ACR: variants seen among roughly 807,000 people sequenced by gnomAD.
ACR encodes the protein acrosin light and heavy chain prepropeptide.
ACR carries 17 observed loss-of-function variants against 26.0 expected under a neutral mutation model. The observed-to-expected ratio is 0.65, with a 90% confidence interval of 0.45 to 0.98. The LOEUF is 0.98. ACR is among the 50% of genes least tolerant of loss of function. The pLI is 0.00. For synonymous variants in ACR, 199 were observed against 207.7 expected, an observed-to-expected ratio of 0.96 and a Z score of 0.36; for missense variants, 435 against 519.3, an observed-to-expected ratio of 0.84 and a Z score of 1.58.
intron 3 of ACR, among the ~76,000 whole-genome samples, chr22:50,742,162 A>G (rs965718859): frequency 6.6e-6 from 1 of 151,890 alleles, no homozygotes; most frequent in Non-Finnish European, 1.5e-5. Flanking sequence ...AGGTGTTGGG[A>G]TTTAGAAAAC....
At chr22:50,742,617 C>T (rs1448382602) in intron 3 of ACR, among the ~76,000 whole-genome samples, 1 of 152,072 alleles carries the variant, frequency 6.6e-6, no homozygotes, top group African/African-American at 2.4e-5. Context: ...TCAATGTCAC[C>T]CCTACCCCAA....
rs938190884 is a variant in ACR at position 50,739,201 on chromosome 22, C to T, written c.78-70C>T. The T allele has an allele frequency of 2.9e-6, 4 of 1,403,170 alleles. No individual in the cohort carries two copies. The highest frequency in any genetic ancestry group is 1.3e-5 in the South Asian group (1 of 79,346). 86.9% of individuals were successfully genotyped at this position (1,403,170 alleles called of 1,614,324 possible). A position where few individuals can be genotyped will look rare whatever the true frequency, so the allele number is the denominator to read the frequency against. ...TCCCAACCCCATGTCCCTGCCTCCC[C>T]TCAGTTGTGGAGTTACAAGGACAGG... On this transcript the variant is annotated intron_variant, in intron 1 of 4. Coordinates refer to ENST00000216139, the MANE Select transcript of ACR (RefSeq NM_001097.3). This position sits in a 1 kb window ranked among gnomAD's most constrained non-coding sequence, Gnocchi z 5.5.
chr22:50,739,228 T>A lies in ACR; in HGVS notation c.78-43T>A. On this transcript the variant is annotated intron_variant, in intron 1 of 4. Transcript: ENST00000216139. This position sits in a 1 kb window ranked among gnomAD's most constrained non-coding sequence, Gnocchi z 5.5. ...CAGTTGTGGAGTTACAAGGACAGGC[T>A]GTGCTCATGCCAGGTTTGAACTGTG... 3 of 1,513,300 alleles carry A rather than the reference T, an allele frequency of 2.0e-6. No individual in the cohort carries two copies. The highest frequency in any genetic ancestry group is 2.7e-6 in the Non-Finnish European group (3 of 1,114,428). 93.7% of individuals were successfully genotyped at this position (1,513,300 alleles called of 1,614,324 possible). A position where few individuals can be genotyped will look rare whatever the true frequency, so the allele number is the denominator to read the frequency against.
At position 50,739,697 on chromosome 22, in the gene ACR, T is replaced by C. The variant is rs749387749; in HGVS notation, c.285T>C (p.Asn95=). 2.7e-5 allele frequency: 42 copies of C among 1,536,566 alleles called. No individual in the cohort carries two copies. In the Middle Eastern group the frequency reaches 8.8e-4, roughly 32 times the overall value. The change falls in exon 3 of 5, where the codon AAT becomes AAC. Residue 95 remains asparagine (N), a synonymous_variant. Coordinates refer to ENST00000216139, the MANE Select transcript of ACR (RefSeq NM_001097.3). This position sits in a 1 kb window ranked among gnomAD's most constrained non-coding sequence, Gnocchi z 5.5. ...TAAHCFVGKN[N]VHDWRLVFGA... Reference sequence around the variant, plus strand: ...TGGCTTACCTTTGTGCCCACAGTAATGTGCATGACTGGAGACTGGTTTTCG... The same window carrying C: ...TGGCTTACCTTTGTGCCCACAGTAACGTGCATGACTGGAGACTGGTTTTCG...
In ACR at chr22:50,740,008, G is replaced by A. The variant is rs547752864; in HGVS notation, c.565+31G>A. 68 of 1,611,832 alleles carry A rather than the reference G, an allele frequency of 4.2e-5. No individual in the cohort carries two copies. In the South Asian group the frequency reaches 6.2e-4, roughly 15 times the overall value. ...TATGGGAGCGCCTCCAAGGGGGGAC[G>A]CTGCTGGCCATTCTCCTGGTGGTCT... On this transcript the variant is annotated intron_variant, in intron 3 of 4. Coordinates refer to ENST00000216139, the MANE Select transcript of ACR (RefSeq NM_001097.3).
At chr22:50,741,214 C>T (rs898089816) in intron 3 of ACR, among the ~76,000 whole-genome samples, 15 of 152,250 alleles carry the variant, frequency 9.9e-5, no homozygotes, top group Middle Eastern at 3.4e-3. Flanking sequence ...TCTCTGAGGG[C>T]GTGGTCTAAG....
chr22:50,740,106 C>A, intron 3 of ACR, 129 bp downstream of exon 3: 1 of 1,228,878 alleles, frequency 8.1e-7, no homozygotes, highest in Non-Finnish European at 1.2e-6. Flanking sequence ...ACACGTAGAG[C>A]CATCACTGTG....
rs1201725864 is a variant in ACR, at chr22:50,739,074, C to G, written c.78-197C>G. Among the ~76,000 whole-genome samples the G allele has an allele frequency of 6.6e-6, 1 of 152,220 alleles. No individual in the cohort carries two copies. The highest frequency in any genetic ancestry group is 1.9e-4 in the East Asian group (1 of 5,186). On this transcript the variant is annotated intron_variant, in intron 1 of 4. Transcript: ENST00000216139. The surrounding 1 kb of genome is among the most constrained non-coding windows in gnomAD (Gnocchi z 5.5). ...CCATCTGTGACTGCACCCACAAGAC[C>G]TGAGAAGTCGTGGCCCCAGAACCAT...
chr22:50,739,264 T>C lies in ACR; in HGVS notation c.78-7T>C, dbSNP rs764251990. The C allele has an allele frequency of 6.4e-7, 1 of 1,561,778 alleles. No individual in the cohort carries two copies. On this transcript the variant is annotated splice_polypyrimidine_tract_variant and splice_region_variant and intron_variant, in intron 1 of 4. Coordinates refer to ENST00000216139, the MANE Select transcript of ACR (RefSeq NM_001097.3). This position sits in a 1 kb window ranked among gnomAD's most constrained non-coding sequence, Gnocchi z 5.5. ...CAGGTTTGAACTGTGCTCTGGTCTCTCCCCAGTGGCCCCTGTGGGTTACGG... is the reference window on the plus strand; with the variant it reads ...CAGGTTTGAACTGTGCTCTGGTCTCCCCCCAGTGGCCCCTGTGGGTTACGG...
rs367772352 is a variant in ACR at position 50,744,646 on chromosome 22, T to C, written c.712-7T>C. The C allele has an allele frequency of 1.3e-5, 21 of 1,611,240 alleles. No individual in the cohort carries two copies. In the African/African-American group the frequency reaches 2.7e-4, roughly 20 times the overall value. ...GCAGATAGTGACCTCTGTGTCCTTC[T>C]GGACAGGGAGACAGCGGCGGGCCTC... is the stretch of plus-strand genomic sequence containing the variant. On this transcript the variant is annotated splice_region_variant and splice_polypyrimidine_tract_variant and intron_variant, in intron 4 of 4. Transcript: ENST00000216139.
chr22:50,744,783 AT>A lies in ACR; in HGVS notation c.843del (p.Leu282Ter), dbSNP rs1375750403. Reference sequence around the variant, plus strand: ...GGAATCTACACGGCCACCTGGCCCTATCTGAACTGGATCGCCTCCAAGATTG... The same window carrying A: ...GGAATCTACACGGCCACCTGGCCCTACTGAACTGGATCGCCTCCAAGATTG... ...RPGIYTATWP[Y>X]LNWIASKIGS... is the part of the protein sequence containing the mutation. On this transcript the variant is annotated frameshift_variant, in exon 5 of 5. Coordinates refer to ENST00000216139, the MANE Select transcript of ACR (RefSeq NM_001097.3). LOFTEE classifies it low-confidence loss of function (END_TRUNC). The A allele has an allele frequency of 1.2e-6, 2 of 1,611,050 alleles. No homozygotes were observed. The highest frequency in any genetic ancestry group is 8.5e-7 in the Non-Finnish European group (1 of 1,178,762).
At chr22:50,740,865 T>C in intron 3 of ACR, 1 of 608,150 alleles carries the variant, frequency 1.6e-6, no homozygotes, top group Non-Finnish European at 3.0e-6. Flanking sequence ...CATTACTGAC[T>C]CCGTGGTCAG....
In ACR at chr22:50,739,848, G is replaced by A. The variant is rs753955522; in HGVS notation, c.436G>A (p.Val146Met). ...GACAGAGGGAAATGACATTGCCCTC[G>A]TGGAGATCACCCCTCCCATTTCGTG... ...SATEGNDIAL[V>M]EITPPISCGR... The change falls in exon 3 of 5, where the codon GTG becomes ATG. Residue 146 changes from valine to methionine, a missense_variant. Around this residue, in one of 3 missense-constraint regions of ACR, gnomAD observed 314 missense variants for 372.0 expected, o/e 0.84. Coordinates refer to ENST00000216139, the MANE Select transcript of ACR (RefSeq NM_001097.3). The surrounding 1 kb of genome is among the most constrained non-coding windows in gnomAD (Gnocchi z 5.5). 30 of 1,611,976 alleles carry A rather than the reference G, an allele frequency of 1.9e-5. No individual in the cohort carries two copies. The highest frequency in any genetic ancestry group is 2.7e-5 in the African/African-American group (2 of 74,808).
intron 3 of ACR, among the ~76,000 whole-genome samples, chr22:50,742,568 C>G (rs1488501997): frequency 2.0e-5 from 3 of 148,916 alleles, no homozygotes; most frequent in African/African-American, 7.5e-5. Context: ...AAAAAATCGT[C>G]TTAATGGCTA....
intron 3 of ACR, among the ~76,000 whole-genome samples, chr22:50,741,348 A>G (rs1227516747): frequency 1.3e-5 from 2 of 151,574 alleles, no homozygotes; most frequent in African/African-American, 2.4e-5. Flanking sequence ...GACAGCCTCT[A>G]TTCCAGCTGC....
intron 3 of ACR, chr22:50,740,575 T>C (rs1230958226): frequency 1.4e-6 from 1 of 702,276 alleles, no homozygotes; most frequent in Non-Finnish European, 2.6e-6. Context: ...AGGGGACCGG[T>C]GGTTGGTGTG....
Position 50,739,633 on chromosome 22 carries a change from G to A in ACR, c.282-61G>A. The A allele has an allele frequency of 6.5e-7, 1 of 1,542,494 alleles. No homozygotes were observed. The highest frequency in any genetic ancestry group is 1.3e-5 in the South Asian group (1 of 79,522). On this transcript the variant is annotated intron_variant, in intron 2 of 4. Coordinates refer to ENST00000216139, the MANE Select transcript of ACR (RefSeq NM_001097.3). The surrounding 1 kb of genome is among the most constrained non-coding windows in gnomAD (Gnocchi z 5.5). Reference sequence around the variant, plus strand: ...ACCTTTGCTAGGGGAAGGCCCTGAGGGTCGCTGTCACCAGGCTTTTGTCCA... The same window carrying A: ...ACCTTTGCTAGGGGAAGGCCCTGAGAGTCGCTGTCACCAGGCTTTTGTCCA...
rs79314756 is a variant in ACR, at chr22:50,738,306, C to T, written c.71C>T (p.Thr24Met). 8.4e-4 allele frequency: 1,349 copies of T among 1,613,834 alleles called. 17 individuals are homozygous for T. The East Asian group carries it at 0.027, about 32-fold the overall frequency. ...TCCGTGGTTGCTAAAGATAACGCCA[C>T]GTGTGAGTAAGTGTCGGGGCACCTT... ...AVSVVAKDNA[T>M]CDGPCGLRFR... Residue 24 changes from threonine to methionine, a missense_variant, in exon 1 of 5, where the codon ACG (threonine) becomes ATG (methionine). Coordinates refer to ENST00000216139, the MANE Select transcript of ACR (RefSeq NM_001097.3).
chr22:50,743,704 G>A (rs1195186560), intron 3 of ACR, among the ~76,000 whole-genome samples: 1 of 152,076 alleles, frequency 6.6e-6, no homozygotes, highest in Non-Finnish European at 1.5e-5. Context: ...GGGAATAACG[G>A]GACCATGTGA....
Sources: gnomAD v4.1 joint callset for allele counts (sites outside exome capture counted in the v4.1 genomes callset) on GRCh38, gnomAD v4.1.1 for gene constraint, gnomAD v4.1.1 regional missense constraint, Gnocchi (gnomAD v3.1) non-coding constraint, MANE v1.5 for transcripts, NCBI Gene and HGNC (gene_info 2026-07-23, HGNC 2026-07-21) for gene names.